SUN1: variants seen among roughly 807,000 people sequenced by gnomAD.
The protein encoded by SUN1 is Sad1 and UNC84 domain containing 1.
SUN1 carries 61 observed loss-of-function variants against 103.2 expected under a neutral mutation model. The ratio of observed to expected loss-of-function variants is 0.59; its 90% CI spans 0.48 to 0.73. SUN1 has a LOEUF of 0.73. Ranked by LOEUF, SUN1 falls within the 30% of genes least tolerant of loss-of-function variation. The probability of loss-of-function intolerance (pLI) is 0.00; values close to 1 mark genes in which losing one functional copy is unlikely to be tolerated. For missense variants in SUN1, 1,052 were observed against 1,034.6 expected, an observed-to-expected ratio of 1.02 and a Z score of -0.23; for synonymous variants, 490 against 425.7, an observed-to-expected ratio of 1.15 and a Z score of -1.86.
In SUN1 at chr7:832,515, A is replaced by ACATG. The variant is rs1798881882; in HGVS notation, c.-10_-9insCATG. The ACATG allele has an allele frequency of 6.2e-7, 1 of 1,612,450 alleles. No individual in the cohort carries two copies. The highest frequency in any genetic ancestry group is 1.3e-5 in the African/African-American group (1 of 74,914). ...TCCCGCCCTCTGCAGTATGGTTTGA[A>ACATG]GTGGTGAACATGGATTTTTCTCGGC... On this transcript the variant is annotated 5_prime_UTR_variant, in exon 1 of 19. It adds an upstream start codon to the 5' untranslated region. Transcript: ENST00000401592.
At chr7:818,580 A>T (rs1037589880) in intron 1 of SUN1, among the ~76,000 whole-genome samples, 14 of 152,196 alleles carry the variant, frequency 9.2e-5, no homozygotes, top group African/African-American at 3.4e-4. Flanking sequence ...GCCAGGTCAT[A>T]TGGTAACTCT....
upstream of SUN1, among the ~76,000 whole-genome samples, chr7:827,850 T>C (rs1794029313): frequency 6.6e-6 from 1 of 152,182 alleles, no homozygotes; most frequent in Non-Finnish European, 1.5e-5. Context: ...AATTATATAC[T>C]GTAAAAGGTA....
At position 839,801 on chromosome 7, in the gene SUN1, A is replaced by G; in HGVS notation, c.266+815A>G. Among the ~76,000 whole-genome samples the G allele has an allele frequency of 4.5e-5, 2 of 44,924 alleles. 1 individual carries two copies. Among genetic ancestry groups the G allele is most frequent in the East Asian group, 2.9e-3 (2 of 678 alleles). 29.5% of individuals were successfully genotyped at this position (44,924 alleles called of 152,430 possible). On this transcript the variant is annotated intron_variant, in intron 2 of 18. Transcript: ENST00000401592. ...ACTCCTGGTCTCAGGTGATCCGCCCATTGCAGCCTCCCAAAGTGCTGCGAT... is the reference window on the plus strand; with the variant it reads ...ACTCCTGGTCTCAGGTGATCCGCCCGTTGCAGCCTCCCAAAGTGCTGCGAT...
At chr7:867,799 C>T (rs866073514) in intron 16 of SUN1, among the ~76,000 whole-genome samples, 11 of 152,226 alleles carry the variant, frequency 7.2e-5, no homozygotes, top group Non-Finnish European at 1.2e-4. Context: ...CTCTCCAGAC[C>T]GTTGGGCGGA....
At position 853,558 on chromosome 7, in the gene SUN1, A is replaced by G. The variant is rs1344644004; in HGVS notation, c.1203A>G (p.Glu401=). ...TGCAGGCTCGGGTGGACCAGATGGA[A>G]GGCGGCGCTGCCGGGCCGTCAGCTT... is the stretch of plus-strand genomic sequence containing the variant. The part of the protein sequence containing the change: ...QKLQARVDQM[E]GGAAGPSASV... The change falls in exon 10 of 19, where the codon GAA becomes GAG. Residue 401 remains glutamate, a synonymous_variant. Coordinates refer to ENST00000401592, the MANE Select transcript of SUN1 (RefSeq NM_001130965.3). 6.2e-7 allele frequency: 1 copy of G among 1,611,802 alleles called. No homozygotes were observed. Among genetic ancestry groups the G allele is most frequent in the Non-Finnish European group, 8.5e-7 (1 of 1,180,020 alleles).
intron 13 of SUN1, among the ~76,000 whole-genome samples, chr7:858,938 G>A (rs1829976512): frequency 6.6e-6 from 1 of 152,170 alleles, no homozygotes; most frequent in Non-Finnish European, 1.5e-5. Context: ...CGGATCACCT[G>A]AGGTCAGAAG....
At chr7:843,670 C>T (rs1296654624) in intron 5 of SUN1, 150 bp downstream of exon 5, 2 of 1,491,416 alleles carry the variant, frequency 1.3e-6, no homozygotes, top group Admixed American at 2.6e-5. Context: ...CCAGCTTTGT[C>T]CTTCCTGTCC....
At chr7:847,133 T>C (rs1227263065) in intron 5 of SUN1, among the ~76,000 whole-genome samples, 2 of 152,230 alleles carry the variant, frequency 1.3e-5, no homozygotes, top group Non-Finnish European at 2.9e-5. Flanking sequence ...AATGTCGTAG[T>C]GTATGTGTGA....
chr7:847,132 G>A (rs980489857), intron 5 of SUN1, among the ~76,000 whole-genome samples: 2 of 152,250 alleles, frequency 1.3e-5, no homozygotes, highest in African/African-American at 2.4e-5. Context: ...GAATGTCGTA[G>A]TGTATGTGTG....
intron 1 of SUN1, among the ~76,000 whole-genome samples, chr7:826,892 G>A (rs1303785936): frequency 1.3e-5 from 2 of 152,212 alleles, no homozygotes; most frequent in Admixed American, 6.5e-5. Context: ...ATTGACGGTT[G>A]CTGTTTATAG....
intron 14 of SUN1, 79 bp downstream of exon 14, chr7:860,461 A>G (rs369966040): frequency 1.3e-6 from 2 of 1,565,548 alleles, no homozygotes; most frequent in Admixed American, 3.5e-5. Flanking sequence ...TGAGGTGTGG[A>G]TGTTGATGTC....
intron 5 of SUN1, chr7:849,997 C>T (rs1169924408): frequency 1.5e-5 from 24 of 1,600,212 alleles, no homozygotes; most frequent in African/African-American, 4.0e-5. Context: ...GCTGCCCGGT[C>T]GGGCAGGGAC....
intron 1 of SUN1, chr7:817,493 A>G: frequency 6.5e-7 from 1 of 1,536,146 alleles, no homozygotes; most frequent in Non-Finnish European, 8.7e-7. Context: ...AGGGCTCCCC[A>G]GGACAGGTGG....
At chr7:824,733 C>A in intron 1 of SUN1, among the ~76,000 whole-genome samples, 1 of 152,170 alleles carries the variant, frequency 6.6e-6, no homozygotes, top group East Asian at 1.9e-4. Flanking sequence ...GCTTGCTTAC[C>A]TTTTCCTGTT....
intron 1 of SUN1, among the ~76,000 whole-genome samples, chr7:835,159 C>T (rs913047967): frequency 2.6e-5 from 4 of 152,158 alleles, no homozygotes; most frequent in East Asian, 1.9e-4. Flanking sequence ...GCCCATTTGC[C>T]GGCCACTGGC....
chr7:854,867 G>A (rs1825696029), intron 10 of SUN1, 53 bp from the exon 11 acceptor site: 1 of 1,437,644 alleles, frequency 7.0e-7, no homozygotes, highest in Admixed American at 1.9e-5. Flanking sequence ...GATTTGCCAG[G>A]TTTTTGTTGC....
rs1798883234 is a variant in SUN1 at position 832,515 on chromosome 7, AGTG to A, written c.-6_-4del. The stretch of plus-strand genomic sequence containing the variant: ...TCCCGCCCTCTGCAGTATGGTTTGA[AGTG>A]GTGAACATGGATTTTTCTCGGCTTC... On this transcript the variant is annotated 5_prime_UTR_variant, in exon 1 of 19. Transcript: ENST00000401592. 2.5e-6 allele frequency: 4 copies of A among 1,612,450 alleles called. No homozygotes were observed. Among genetic ancestry groups the A allele is most frequent in the Non-Finnish European group, 3.4e-6 (4 of 1,179,310 alleles).
intron 7 of SUN1, 61 bp downstream of exon 7, chr7:852,104 A>G: frequency 1.4e-6 from 2 of 1,389,612 alleles, no homozygotes; most frequent in Non-Finnish European, 2.0e-6. Flanking sequence ...TGCCAATTGC[A>G]GGCTCTCATT....
At chr7:850,037 GTC>G in intron 5 of SUN1, 1 of 1,576,526 alleles carries the variant, frequency 6.3e-7, no homozygotes, top group South Asian at 1.2e-5. Flanking sequence ...TGTGCAGGTT[GTC>G]TCTCGCCCCG....
Sources: allele counts gnomAD v4.1 joint callset (sites outside exome capture counted in the v4.1 genomes callset), GRCh38; gene constraint gnomAD v4.1.1; transcripts MANE v1.5; gene names NCBI Gene and HGNC (gene_info 2026-07-23, HGNC 2026-07-21).